Variants in FRMD3 observed in about 807,000 individuals in gnomAD.
FRMD3 encodes the protein FERM domain containing 3.
A neutral mutation model predicts 70.2 loss-of-function variants in FRMD3; 33 were observed. The observed-to-expected ratio is 0.47, with a 90% CI of 0.36 to 0.63. The LOEUF (loss-of-function observed/expected upper bound fraction) is 0.63, where lower values mean the gene tolerates loss of function less well. Ranked by LOEUF, FRMD3 falls within the 20% of genes least tolerant of loss-of-function variation. FRMD3 has a pLI of 0.00. For synonymous variants in FRMD3, 279 were observed against 255.9 expected, an observed-to-expected ratio of 1.09 and a Z score of -0.86; for missense variants, 632 against 711.4, an observed-to-expected ratio of 0.89 and a Z score of 1.27.
the FRMD3 span, among the ~76,000 whole-genome samples, chr9:83,553,200 T>C: frequency 6.6e-6 from 1 of 152,202 alleles, no homozygotes; most frequent in Admixed American, 6.5e-5. Flanking sequence ...TTTGCTTATC[T>C]GAAACGATCT....
At chr9:83,317,039 A>G (rs1835608263) in intron 6 of FRMD3, among the ~76,000 whole-genome samples, 1 of 152,168 alleles carries the variant, frequency 6.6e-6, no homozygotes, top group South Asian at 2.1e-4. Flanking sequence ...TCACTTCTAA[A>G]AAAATTTTTT....
In FRMD3 at chr9:83,335,602, C is replaced by G; in HGVS notation, c.510G>C (p.Glu170Asp). 6.2e-7 allele frequency: 1 copy of G among 1,613,144 alleles called. No homozygotes were observed. The highest frequency in any genetic ancestry group is 8.5e-7 in the Non-Finnish European group (1 of 1,179,274). The change falls in exon 6 of 14, where the codon GAG (glutamate) becomes GAC (aspartate). Residue 170 changes from glutamate (E) to aspartate (D), a missense_variant. By Grantham distance (45) the Glu-to-Asp change is conservative. Around this residue, in one of 3 missense-constraint regions of FRMD3, gnomAD observed 208 missense variants for 247.7 expected, o/e 0.84. Coordinates refer to ENST00000304195, the MANE Select transcript of FRMD3 (RefSeq NM_174938.6). ...AAATCTCAAACTCACTGATGTAATT[C>G]TCAGGATGCTCATCAGGATCGTAAT... ...LGDYDPDEHPENYISEFEIFP... is the reference protein window; with the variant it reads ...LGDYDPDEHPDNYISEFEIFP...
intron 5 of FRMD3, among the ~76,000 whole-genome samples, chr9:83,339,779 G>A (rs541907402): frequency 1.3e-4 from 20 of 152,138 alleles, no homozygotes; most frequent in Non-Finnish European, 2.2e-4. Context: ...GTATTGCCAT[G>A]TGGCCCCCTA....
At chr9:83,384,365 G>A (rs1825450877) in intron 2 of FRMD3, among the ~76,000 whole-genome samples, 1 of 152,162 alleles carries the variant, frequency 6.6e-6, no homozygotes, top group Non-Finnish European at 1.5e-5. Flanking sequence ...AATGGCAGGA[G>A]CAGCTGGTGG....
intron 1 of FRMD3, among the ~76,000 whole-genome samples, chr9:83,533,253 T>A (rs79758538): frequency 0.013 from 1,928 of 152,242 alleles, 37 homozygotes; most frequent in African/African-American, 0.045. Flanking sequence ...ATTTTCCATA[T>A]CTAGTAATAC....
intron 6 of FRMD3, among the ~76,000 whole-genome samples, chr9:83,329,942 T>G (rs1032585717): frequency 6.6e-6 from 1 of 152,168 alleles, no homozygotes; most frequent in Non-Finnish European, 1.5e-5. Flanking sequence ...TTCTTTATGG[T>G]AAAAGCAATC....
intron 13 of FRMD3, among the ~76,000 whole-genome samples, chr9:83,250,509 G>A (rs73475670): frequency 0.12 from 17,795 of 152,184 alleles, 3,377 homozygotes; most frequent in African/African-American, 0.4. Flanking sequence ...CTCATTCTGT[G>A]GGCCCCACTT....
rs3739655 is a variant in FRMD3 at position 83,389,521 on chromosome 9, T to C, written c.252+83A>G. ...TAATCTATGAGAACAAGGGCATCACTAGGGCTTTGAGAGGAACCCCCACAG... is the reference window on the plus strand; with the variant it reads ...TAATCTATGAGAACAAGGGCATCACCAGGGCTTTGAGAGGAACCCCCACAG... On this transcript the variant is annotated intron_variant, in intron 2 of 13. Coordinates refer to ENST00000304195, the MANE Select transcript of FRMD3 (RefSeq NM_174938.6). 0.26 allele frequency: 224,505 copies of C among 871,000 alleles called. 29,281 individuals carry two copies. The highest frequency in any genetic ancestry group is 0.31 in the East Asian group (12,864 of 41,266). The allele number at this position is 871,000 out of a possible 1,614,324, so 54.0% of individuals were successfully genotyped here.
chr9:83,437,738 A>G (rs1246569543), intron 1 of FRMD3, among the ~76,000 whole-genome samples: 1 of 152,196 alleles, frequency 6.6e-6, no homozygotes, highest in African/African-American at 2.4e-5. Context: ...CTTCCATGGA[A>G]GTAGAACAAA....
chr9:83,300,812 G>A lies in FRMD3; in HGVS notation c.927-1626C>T, dbSNP rs190610302. 9.9e-4 allele frequency among the ~76,000 whole-genome samples: 150 copies of A among 152,240 alleles called. 1 individual carries two copies. The highest frequency in any genetic ancestry group is 1.9e-3 in the Non-Finnish European group (126 of 68,012). ...AATAAAGATAAGTGAATGTACAGAT[G>A]TACGAAGGAGAATAAGGCAAACTTG... is the stretch of plus-strand genomic sequence containing the variant. On this transcript the variant is annotated intron_variant, in intron 10 of 13. Coordinates refer to ENST00000304195, the MANE Select transcript of FRMD3 (RefSeq NM_174938.6).
chr9:83,412,192 CT>C (rs1187040390), intron 1 of FRMD3, among the ~76,000 whole-genome samples: 1 of 152,178 alleles, frequency 6.6e-6, no homozygotes. Context: ...AAAATAATTT[CT>C]GCTATTCATA....
intron 1 of FRMD3, among the ~76,000 whole-genome samples, chr9:83,411,738 T>A (rs1367928371): frequency 1.3e-5 from 2 of 152,358 alleles, no homozygotes; most frequent in African/African-American, 4.8e-5. Context: ...TATTATTTCA[T>A]CTCATCGAAA....
intron 1 of FRMD3, among the ~76,000 whole-genome samples, chr9:83,486,115 C>T (rs1355423690): frequency 1.3e-5 from 2 of 152,046 alleles, no homozygotes; most frequent in African/African-American, 4.8e-5. Flanking sequence ...TGCTCAAGAA[C>T]ATATTTATTT....
chr9:83,405,340 C>T (rs552472952), intron 1 of FRMD3, among the ~76,000 whole-genome samples: 6 of 152,216 alleles, frequency 3.9e-5, no homozygotes, highest in Admixed American at 1.3e-4. Flanking sequence ...GTTAGCAGAG[C>T]GCCACCCTGG....
intron 1 of FRMD3, among the ~76,000 whole-genome samples, chr9:83,517,626 C>T (rs1008371876): frequency 6.6e-6 from 1 of 152,054 alleles, no homozygotes; most frequent in African/African-American, 2.4e-5. Flanking sequence ...AGGGACTCAT[C>T]CCTAACTCAA....
rs539565284 is a variant in FRMD3, at chr9:83,264,708, G to T, written c.1196-16192C>A. 3.2e-4 allele frequency among the ~76,000 whole-genome samples: 48 copies of T among 151,808 alleles called. 1 individual carries two copies. In the South Asian group the frequency reaches 9.8e-3, roughly 31 times the overall value. On this transcript the variant is annotated intron_variant, in intron 13 of 13. Transcript: ENST00000304195. ...TATTAAAACTATACTGTATAGTAATGGAGCAGGAATAATAAAAGATATAAT... is the reference window on the plus strand; with the variant it reads ...TATTAAAACTATACTGTATAGTAATTGAGCAGGAATAATAAAAGATATAAT...
At chr9:83,304,420 C>T (rs531315001) in intron 10 of FRMD3, among the ~76,000 whole-genome samples, 9 of 152,280 alleles carry the variant, frequency 5.9e-5, no homozygotes, top group African/African-American at 2.2e-4. Flanking sequence ...TATGGACTCT[C>T]ATGCCCACCC....
At chr9:83,243,951 A>C (rs1831964044), downstream of FRMD3, among the ~76,000 whole-genome samples, 1 of 152,060 alleles carries the variant, frequency 6.6e-6, no homozygotes, top group African/African-American at 2.4e-5. Context: ...ACACGGAGGA[A>C]CCCAACCTCT....
In FRMD3 at chr9:83,250,490, C is replaced by A. The variant is rs148578447; in HGVS notation, c.1196-1974G>T. 5.1e-3 allele frequency among the ~76,000 whole-genome samples: 783 copies of A among 152,266 alleles called. 8 individuals are homozygous for A. The highest frequency in any genetic ancestry group is 0.018 in the African/African-American group (741 of 41,558). ...TAGGAAGGTGGTTGAATCCAGGGAC[C>A]CAGGTAGCCTCATTCTGTGGGCCCC... On this transcript the variant is annotated intron_variant, in intron 13 of 13. Transcript: ENST00000304195.
Sources: allele counts gnomAD v4.1 joint callset (sites outside exome capture counted in the v4.1 genomes callset), GRCh38; gene constraint gnomAD v4.1.1; regional missense constraint gnomAD v4.1.1; transcripts MANE v1.5; gene names NCBI Gene and HGNC (gene_info 2026-07-23, HGNC 2026-07-21).